The following MYSM1 variants were observed in gnomAD, a reference collection of about 807,000 sequenced individuals.
MYSM1 encodes the protein deubiquitinase MYSM1.
MYSM1 carries 51 observed loss-of-function variants against 116.0 expected under a neutral mutation model. The observed-to-expected ratio is 0.44, with a 90% CI of 0.35 to 0.56. The LOEUF (loss-of-function observed/expected upper bound fraction) is 0.56, where lower values mean the gene tolerates loss of function less well. Among genes scored for constraint, MYSM1 ranks in the 20% least tolerant of loss-of-function variants. The pLI is 0.00. For synonymous variants in MYSM1, 313 were observed against 315.2 expected, an observed-to-expected ratio of 0.99 and a Z score of 0.07; for missense variants, 900 against 974.9, an observed-to-expected ratio of 0.92 and a Z score of 1.02.
Position 58,685,217 on chromosome 1 carries a change from T to G in MYSM1, c.434A>C (p.Lys145Thr). The G allele has an allele frequency of 1.2e-6, 2 of 1,608,218 alleles. No individual in the cohort carries two copies. The highest frequency in any genetic ancestry group is 1.7e-6 in the Non-Finnish European group (2 of 1,178,242). Residue 145 changes from lysine to threonine, a missense_variant, in exon 7 of 20, where the codon AAG becomes ACG. Transcript: ENST00000472487. Reference sequence around the variant, plus strand: ...TAAAACAGTGCGGCTTCCAATTAGCTTTGAAATTTTGGTCCATCTTCGGCC... The same window carrying G: ...TAAAACAGTGCGGCTTCCAATTAGCGTTGAAATTTTGGTCCATCTTCGGCC... The part of the protein sequence containing the change: ...KFGRRWTKIS[K>T]LIGSRTVLQV...
At chr1:58,676,706 T>G (rs1317783420) in intron 9 of MYSM1, 1 of 320,540 alleles carries the variant, frequency 3.1e-6, no homozygotes, top group Non-Finnish European at 5.6e-6. Context: ...GATTGAATAT[T>G]TTACCTTTAA....
intron 8 of MYSM1, 72 bp from the exon 9 acceptor site, chr1:58,677,128 T>C: frequency 7.4e-7 from 1 of 1,354,108 alleles, no homozygotes; most frequent in Non-Finnish European, 1.0e-6. Flanking sequence ...GGGAAAACTT[T>C]CAATATTTGA....
intron 1 of MYSM1, among the ~76,000 whole-genome samples, chr1:58,699,304 A>C (rs1394713328): frequency 1.3e-5 from 2 of 152,196 alleles, no homozygotes; most frequent in African/African-American, 4.8e-5. Context: ...ATACATTCAG[A>C]GGGCACCTAC....
chr1:58,694,210 T>C (rs544324344), intron 2 of MYSM1, among the ~76,000 whole-genome samples: 1 of 152,372 alleles, frequency 6.6e-6, no homozygotes, highest in East Asian at 1.9e-4. Context: ...TCTACCTGTT[T>C]ATTACTTAAC....
intron 5 of MYSM1, 124 bp downstream of exon 5, chr1:58,690,102 T>C (rs1026825374): frequency 4.1e-6 from 3 of 736,602 alleles, no homozygotes; most frequent in Non-Finnish European, 6.4e-6. Flanking sequence ...TTAAAAAAAC[T>C]GTTTTTATAT....
rs1172515824 is a variant in MYSM1 at position 58,692,948 on chromosome 1, T to C, written c.148-17A>G. 4.5e-6 allele frequency: 7 copies of C among 1,567,492 alleles called. No individual in the cohort carries two copies. In the African/African-American group the frequency reaches 5.5e-5, roughly 12 times the overall value. On this transcript the variant is annotated splice_polypyrimidine_tract_variant and intron_variant, in intron 2 of 19. Transcript: ENST00000472487. ...GGTCCAAGGCTATTAAAAAAGAGAA[T>C]ATATTTGTCTTTTTATTTATTGCTT...
At chr1:58,683,849 T>A (rs1327219310) in intron 7 of MYSM1, among the ~76,000 whole-genome samples, 1 of 152,214 alleles carries the variant, frequency 6.6e-6, no homozygotes, top group Non-Finnish European at 1.5e-5. Context: ...ATCCTGTCTA[T>A]AATTTTAAAA....
At chr1:58,675,185 C>T (rs554079055) in intron 10 of MYSM1, among the ~76,000 whole-genome samples, 27 of 151,820 alleles carry the variant, frequency 1.8e-4, no homozygotes, top group Non-Finnish European at 4.0e-4. Context: ...TTAAAAGACA[C>T]ATTAGATTTA....
At chr1:58,691,512 G>A (rs573076511) in intron 3 of MYSM1, among the ~76,000 whole-genome samples, 4 of 152,116 alleles carry the variant, frequency 2.6e-5, no homozygotes, top group Admixed American at 6.5e-5. Context: ...CATGTGCATC[G>A]CTGGTTTCTG....
intron 17 of MYSM1, among the ~76,000 whole-genome samples, chr1:58,663,210 T>A (rs779765171): frequency 3.3e-5 from 5 of 152,170 alleles, no homozygotes; most frequent in Non-Finnish European, 7.3e-5. Flanking sequence ...AATAATGCAT[T>A]TTCAATCTAT....
chr1:58,675,772 A>G (rs916050629), intron 9 of MYSM1, among the ~76,000 whole-genome samples, 192 bp from the exon 10 acceptor site: 3 of 152,332 alleles, frequency 2.0e-5, no homozygotes, highest in East Asian at 1.9e-4. Flanking sequence ...TAATAAATGG[A>G]ATATTTAGAA....
intron 10 of MYSM1, 114 bp downstream of exon 10, chr1:58,675,363 A>C: frequency 1.4e-6 from 1 of 706,476 alleles, no homozygotes; most frequent in South Asian, 1.9e-5. Context: ...ACAAGAGGAA[A>C]CATGTTTTTC....
chr1:58,684,223 A>T (rs1056277221), intron 7 of MYSM1, among the ~76,000 whole-genome samples: 9 of 152,146 alleles, frequency 5.9e-5, no homozygotes, highest in Non-Finnish European at 1.0e-4. Flanking sequence ...CACTCAAGAC[A>T]CTTACCAATT....
intron 17 of MYSM1, among the ~76,000 whole-genome samples, chr1:58,661,970 GT>G (rs1168315788): frequency 2.9e-4 from 25 of 85,754 alleles, no homozygotes; most frequent in African/African-American, 6.0e-4. Context: ...GTAAGTTATT[GT>G]TTTTTTTTTA....
intron 17 of MYSM1, 30 bp downstream of exon 17, chr1:58,665,469 A>C (rs1459627316): frequency 4.0e-6 from 6 of 1,513,216 alleles, no homozygotes; most frequent in Non-Finnish European, 5.4e-6. Context: ...GAGTAGAAAG[A>C]GGATAAAGTT....
rs991090231 is a variant in MYSM1 at position 58,657,180 on chromosome 1, A to G, written c.*2817T>C. On this transcript the variant is annotated 3_prime_UTR_variant, in exon 20 of 20. Coordinates refer to ENST00000472487, the MANE Select transcript of MYSM1 (RefSeq NM_001085487.3). Reference sequence around the variant, plus strand: ...TTTCTTTTCTTGAATGTTACTTTGGAATTAGATTAAGTCTAATACTGGGGA... The same window carrying G: ...TTTCTTTTCTTGAATGTTACTTTGGGATTAGATTAAGTCTAATACTGGGGA... 5 of 152,080 alleles carry G rather than the reference A, an allele frequency of 3.3e-5. No homozygotes were observed. The highest frequency in any genetic ancestry group is 7.4e-5 in the Non-Finnish European group (5 of 68,018). The allele number at this position is 152,080 out of a possible 1,614,324, so 9.4% of individuals were successfully genotyped here.
chr1:58,697,817 A>G (rs1334953344), intron 1 of MYSM1, among the ~76,000 whole-genome samples: 1 of 151,118 alleles, frequency 6.6e-6, no homozygotes, highest in Non-Finnish European at 1.5e-5. Context: ...TCGAACTCCC[A>G]ACCTCAGGTG....
intron 2 of MYSM1, among the ~76,000 whole-genome samples, chr1:58,694,460 A>C (rs1644944805): frequency 6.6e-6 from 1 of 152,100 alleles, no homozygotes; most frequent in African/African-American, 2.4e-5. Context: ...GCCTCTATGA[A>C]AAATACAAAA....
chr1:58,691,281 A>G (rs1173984903), intron 3 of MYSM1, among the ~76,000 whole-genome samples: 1 of 150,374 alleles, frequency 6.7e-6, no homozygotes, highest in East Asian at 2.0e-4. Flanking sequence ...CTCCGTCTCA[A>G]AAAAAAAAAA....
Sources: gnomAD v4.1 joint callset for allele counts (sites outside exome capture counted in the v4.1 genomes callset) on GRCh38, gnomAD v4.1.1 for gene constraint, MANE v1.5 for transcripts, NCBI Gene and HGNC (gene_info 2026-07-23, HGNC 2026-07-21) for gene names.